TMEM65: variants seen among roughly 807,000 people sequenced by gnomAD.
The protein encoded by TMEM65 is transmembrane protein 65.
TMEM65 carries 22 observed loss-of-function variants against 25.4 expected under a neutral mutation model. That is an observed-to-expected ratio of 0.86 (90% confidence interval 0.62 to 1.23). The LOEUF is 1.23. Ranked by LOEUF, TMEM65 falls within the 50% of genes most tolerant of loss-of-function variation. The pLI is 0.00. For synonymous variants in TMEM65, 132 were observed against 126.2 expected (o/e 1.05, Z -0.31); for missense variants, 262 against 308.2 (o/e 0.85, Z 1.12).
chr8:124,323,978 A>G (rs1365110235), intron 3 of TMEM65, among the ~76,000 whole-genome samples: 1 of 152,106 alleles, frequency 6.6e-6, no homozygotes, highest in African/African-American at 2.4e-5. Flanking sequence ...GACTTTCTAT[A>G]TGTATATCAT....
intron 1 of TMEM65, among the ~76,000 whole-genome samples, chr8:124,342,749 C>G (rs1176448352): frequency 6.6e-6 from 1 of 152,058 alleles, no homozygotes; most frequent in African/African-American, 2.4e-5. Context: ...AAAAATTGTT[C>G]GAGTGACTGT....
chr8:124,355,713 T>C (rs1296195383), intron 1 of TMEM65, among the ~76,000 whole-genome samples: 1 of 152,170 alleles, frequency 6.6e-6, no homozygotes, highest in Non-Finnish European at 1.5e-5. Flanking sequence ...TTCTAAACCA[T>C]AAGAGAACTG....
At chr8:124,318,970 C>T (rs1428914633) in intron 6 of TMEM65, among the ~76,000 whole-genome samples, 2 of 152,138 alleles carry the variant, frequency 1.3e-5, no homozygotes, top group Non-Finnish European at 2.9e-5. Context: ...TTCTAATATG[C>T]TAAATATTTT....
chr8:124,322,703 A>AT (rs1488086145), intron 4 of TMEM65, among the ~76,000 whole-genome samples: 4 of 152,028 alleles, frequency 2.6e-5, no homozygotes, highest in Admixed American at 1.3e-4. Flanking sequence ...AAATAAATAA[A>AT]AAATAAATAA....
rs777508559 is a variant in TMEM65, at chr8:124,312,644, G to GT, written c.*1315dup. On this transcript the variant is annotated 3_prime_UTR_variant, in exon 7 of 7. Transcript: ENST00000297632. ...GTGTAACAGACCACATGCTAAAAAA[G>GT]TTTAAGGGTTCAGAAAACTAAAATT... 1.7e-4 allele frequency: 26 copies of GT among 151,498 alleles called. No individual in the cohort carries two copies. Among genetic ancestry groups the GT allele is most frequent in the African/African-American group, 6.1e-4 (25 of 41,128 alleles). The allele number at this position is 151,498 out of a possible 1,614,324, so 9.4% of individuals were successfully genotyped here.
chr8:124,369,249 CTA>C (rs1476358766), intron 1 of TMEM65, among the ~76,000 whole-genome samples: 1 of 152,186 alleles, frequency 6.6e-6, no homozygotes, highest in Non-Finnish European at 1.5e-5. Context: ...TTCTATTTAA[CTA>C]TGATAAGATA....
intron 1 of TMEM65, among the ~76,000 whole-genome samples, chr8:124,352,326 T>C (rs896525862): frequency 5.9e-5 from 9 of 152,060 alleles, no homozygotes; most frequent in African/African-American, 1.4e-4. Flanking sequence ...AATGAATTAT[T>C]AATGAATTTG....
chr8:124,333,723 G>C (rs1416590136), intron 1 of TMEM65, among the ~76,000 whole-genome samples: 1 of 152,098 alleles, frequency 6.6e-6, no homozygotes, highest in Non-Finnish European at 1.5e-5. Flanking sequence ...ATTGAAACCA[G>C]GTTGATCTAG....
Position 124,309,919 on chromosome 8 carries a change from C to T in TMEM65, c.*4041G>A, listed in dbSNP as rs570548740. The T allele has an allele frequency of 1.3e-5, 2 of 151,580 alleles. No homozygotes were observed. Among genetic ancestry groups the T allele is most frequent in the Admixed American group, 6.6e-5 (1 of 15,186 alleles). 9.4% of individuals were successfully genotyped at this position (151,580 alleles called of 1,614,324 possible). ...TACAAAAAAATTAGGCTCGGTGGCACGTGCCTGTAATCCCAGCTACTCAGG... is the reference window on the plus strand; with the variant it reads ...TACAAAAAAATTAGGCTCGGTGGCATGTGCCTGTAATCCCAGCTACTCAGG... On this transcript the variant is annotated 3_prime_UTR_variant, in exon 7 of 7. Coordinates refer to ENST00000297632, the MANE Select transcript of TMEM65 (RefSeq NM_194291.3).
chr8:124,358,967 G>A (rs955492488), intron 1 of TMEM65, among the ~76,000 whole-genome samples: 4 of 152,164 alleles, frequency 2.6e-5, no homozygotes, highest in Admixed American at 6.5e-5. Context: ...TGGAAGTTGT[G>A]ACAGAAACTG....
intron 1 of TMEM65, among the ~76,000 whole-genome samples, chr8:124,349,033 C>T (rs1814674957): frequency 6.6e-6 from 1 of 152,196 alleles, no homozygotes. Flanking sequence ...ACTTCATTCT[C>T]CACTTTGAAG....
chr8:124,315,105 ATGTG>A (rs1364113902), intron 6 of TMEM65, among the ~76,000 whole-genome samples: 1 of 152,176 alleles, frequency 6.6e-6, no homozygotes, highest in Non-Finnish European at 1.5e-5. Flanking sequence ...AGAAGCTACT[ATGTG>A]TCAAACTCTG....
At chr8:124,364,437 T>C (rs1050645256) in intron 1 of TMEM65, among the ~76,000 whole-genome samples, 8 of 152,172 alleles carry the variant, frequency 5.3e-5, no homozygotes, top group African/African-American at 1.9e-4. Flanking sequence ...GCATGCCAAC[T>C]GAAACAGCAG....
At chr8:124,316,796 C>G (rs1814242996) in intron 6 of TMEM65, among the ~76,000 whole-genome samples, 1 of 152,148 alleles carries the variant, frequency 6.6e-6, no homozygotes, top group Non-Finnish European at 1.5e-5. Context: ...CTTATTCCCT[C>G]AAAACTCCAG....
chr8:124,359,340 A>T (rs566179890), intron 1 of TMEM65, among the ~76,000 whole-genome samples: 1 of 152,322 alleles, frequency 6.6e-6, no homozygotes, highest in East Asian at 1.9e-4. Flanking sequence ...AGATAGCAAA[A>T]TCTTACTAAA....
intron 1 of TMEM65, among the ~76,000 whole-genome samples, chr8:124,346,279 G>A (rs1329221429): frequency 6.6e-6 from 1 of 152,118 alleles, no homozygotes; most frequent in Non-Finnish European, 1.5e-5. Context: ...CTTCCTACCA[G>A]GTCCCTCCCT....
intron 3 of TMEM65, among the ~76,000 whole-genome samples, chr8:124,324,631 C>T (rs930535468): frequency 2.0e-5 from 3 of 151,988 alleles, no homozygotes; most frequent in Admixed American, 6.6e-5. Context: ...AGCAATGAAT[C>T]GCTGGCAGTG....
chr8:124,372,112 G>C lies in TMEM65; in HGVS notation c.46C>G (p.Leu16Val). 8.8e-7 allele frequency: 1 copy of C among 1,136,712 alleles called. No individual in the cohort carries two copies. The highest frequency in any genetic ancestry group is 1.1e-6 in the Non-Finnish European group (1 of 925,462). The allele number at this position is 1,136,712 out of a possible 1,614,324, so 70.4% of individuals were successfully genotyped here. The part of the protein sequence containing the change: ...PLLRSRTARS[L>V]RPGPAAAAAP... ...GCGGCGGCGGCCGGGCCCGGCCTCAGGCTGCGCGCGGTCCGGCTCCTCAGC... is the reference window on the plus strand; with the variant it reads ...GCGGCGGCGGCCGGGCCCGGCCTCACGCTGCGCGCGGTCCGGCTCCTCAGC... Residue 16 changes from leucine (L) to valine (V), a missense_variant, in exon 1 of 7, where the codon CTG (leucine) becomes GTG (valine). By Grantham distance (32) the Leu-to-Val change is conservative. Coordinates refer to ENST00000297632, the MANE Select transcript of TMEM65 (RefSeq NM_194291.3).
intron 1 of TMEM65, among the ~76,000 whole-genome samples, chr8:124,359,480 G>C (rs1341512350): frequency 1.3e-5 from 2 of 152,210 alleles, no homozygotes; most frequent in African/African-American, 2.4e-5. Flanking sequence ...GTAAGATCAT[G>C]CCTGTAATGC....
Sources: allele counts gnomAD v4.1 joint callset (sites outside exome capture counted in the v4.1 genomes callset), GRCh38; gene constraint gnomAD v4.1.1; transcripts MANE v1.5; gene names NCBI Gene and HGNC (gene_info 2026-07-23, HGNC 2026-07-21).